The following SGPP2 variants were observed in gnomAD, a reference collection of about 807,000 sequenced individuals.
The protein encoded by SGPP2 is sphingosine 1-phosphate phosphohydrolase 2.
SGPP2 carries 30 observed loss-of-function variants against 33.9 expected under a neutral mutation model. The ratio of observed to expected loss-of-function variants is 0.89; its 90% CI spans 0.66 to 1.20. The LOEUF (loss-of-function observed/expected upper bound fraction) is 1.20, where lower values mean the gene tolerates loss of function less well. Ranked by LOEUF, SGPP2 falls within the 50% of genes most tolerant of loss-of-function variation. The pLI is 0.00. For missense variants in SGPP2, 458 were observed against 532.1 expected, an observed-to-expected ratio of 0.86 and a Z score of 1.37; for synonymous variants, 233 against 225.0, an observed-to-expected ratio of 1.04 and a Z score of -0.32.
intron 4 of SGPP2, among the ~76,000 whole-genome samples, chr2:222,551,779 A>C (rs756789726): frequency 3.3e-4 from 51 of 152,256 alleles, no homozygotes; most frequent in Non-Finnish European, 7.3e-4. Flanking sequence ...CAGATGTCTG[A>C]GAATTTGGTT....
intron 4 of SGPP2, among the ~76,000 whole-genome samples, chr2:222,534,417 A>G (rs1309084173): frequency 6.6e-6 from 1 of 152,076 alleles, no homozygotes; most frequent in Non-Finnish European, 1.5e-5. Context: ...TCTCTGGATA[A>G]TTACACAGAT....
At chr2:222,515,153 C>G (rs1251785696) in intron 2 of SGPP2, among the ~76,000 whole-genome samples, 2 of 151,914 alleles carry the variant, frequency 1.3e-5, no homozygotes, top group Non-Finnish European at 2.9e-5. Flanking sequence ...TCTTGATGTC[C>G]TCATCCCCAC....
chr2:222,495,647 A>C (rs1289394444), intron 2 of SGPP2, among the ~76,000 whole-genome samples: 1 of 152,168 alleles, frequency 6.6e-6, no homozygotes, highest in Non-Finnish European at 1.5e-5. Flanking sequence ...GATTTACTAC[A>C]AGGAACCCCC....
chr2:222,462,087 G>T (rs950661283), intron 1 of SGPP2, among the ~76,000 whole-genome samples: 5 of 152,128 alleles, frequency 3.3e-5, no homozygotes, highest in East Asian at 3.9e-4. Flanking sequence ...TCCTTGAGAG[G>T]CCTTAAAGCG....
intron 2 of SGPP2, among the ~76,000 whole-genome samples, chr2:222,492,434 G>C (rs1698211560): frequency 6.6e-6 from 1 of 152,270 alleles, no homozygotes; most frequent in African/African-American, 2.4e-5. Flanking sequence ...TGCACCCTGT[G>C]AAGCAATGGC....
intron 1 of SGPP2, among the ~76,000 whole-genome samples, chr2:222,441,843 A>G (rs970343309): frequency 5.9e-5 from 9 of 152,200 alleles, no homozygotes; most frequent in African/African-American, 2.2e-4. Context: ...TTTTTTAATA[A>G]AGTGCCAAAT....
chr2:222,446,375 T>C (rs549157545), intron 1 of SGPP2, among the ~76,000 whole-genome samples: 14 of 152,316 alleles, frequency 9.2e-5, no homozygotes, highest in African/African-American at 2.9e-4. Flanking sequence ...ACAAGCAGTA[T>C]GTTTTTAATG....
intron 1 of SGPP2, among the ~76,000 whole-genome samples, chr2:222,449,192 A>G (rs1697442994): frequency 6.6e-6 from 1 of 152,152 alleles, no homozygotes; most frequent in African/African-American, 2.4e-5. Context: ...TTGAAACCAA[A>G]TGAACCTTCT....
chr2:222,527,810 A>G (rs1384426324), intron 4 of SGPP2, among the ~76,000 whole-genome samples: 1 of 152,330 alleles, frequency 6.6e-6, no homozygotes, highest in East Asian at 1.9e-4. Flanking sequence ...TTTTTAGTAG[A>G]AGGGAACAGT....
At chr2:222,449,470 A>ATTTT (rs11390234) in intron 1 of SGPP2, among the ~76,000 whole-genome samples, 2 of 141,188 alleles carry the variant, frequency 1.4e-5, no homozygotes, top group Non-Finnish European at 1.5e-5. Context: ...AGGTCAGCCA[A>ATTTT]TTTTTTTTTT....
chr2:222,444,557 C>T (rs982747676), intron 1 of SGPP2, among the ~76,000 whole-genome samples: 3 of 152,182 alleles, frequency 2.0e-5, no homozygotes, highest in African/African-American at 7.2e-5. Context: ...GAAGAGCTCT[C>T]AGTGCATTGG....
At chr2:222,494,492 G>A (rs1359178834) in intron 2 of SGPP2, among the ~76,000 whole-genome samples, 1 of 152,198 alleles carries the variant, frequency 6.6e-6, no homozygotes, top group East Asian at 1.9e-4. Flanking sequence ...AGGCAGCGGT[G>A]GTCTCCCAGG....
intron 1 of SGPP2, among the ~76,000 whole-genome samples, chr2:222,449,788 C>T (rs1559146969): frequency 6.6e-6 from 1 of 152,080 alleles, no homozygotes; most frequent in African/African-American, 2.4e-5. Flanking sequence ...TTTCTAAAAG[C>T]CAGTTATGTG....
At chr2:222,450,071 C>A (rs1376979757) in intron 1 of SGPP2, among the ~76,000 whole-genome samples, 1 of 152,174 alleles carries the variant, frequency 6.6e-6, no homozygotes, top group Non-Finnish European at 1.5e-5. Flanking sequence ...GTGCTTCAAT[C>A]TAAAAGGAAT....
intron 1 of SGPP2, among the ~76,000 whole-genome samples, chr2:222,462,047 T>C (rs1160028800): frequency 6.6e-6 from 1 of 152,162 alleles, no homozygotes; most frequent in East Asian, 1.9e-4. Context: ...TCGTTCTTTA[T>C]TTCTTCAGCA....
chr2:222,488,916 TCAATTTGAA>T (rs1698155298), intron 2 of SGPP2, among the ~76,000 whole-genome samples: 1 of 152,220 alleles, frequency 6.6e-6, no homozygotes, highest in African/African-American at 2.4e-5. Context: ...AAATGTTTGT[TCAATTTGAA>T]AATGCTTTTC....
intron 1 of SGPP2, among the ~76,000 whole-genome samples, chr2:222,440,008 C>T (rs1345157676): frequency 2.6e-5 from 4 of 152,154 alleles, no homozygotes; most frequent in Admixed American, 1.3e-4. Flanking sequence ...TTGCAACTGC[C>T]TGTGAATCTA....
intron 4 of SGPP2, among the ~76,000 whole-genome samples, chr2:222,540,427 A>C (rs952156913): frequency 6.6e-6 from 1 of 152,238 alleles, no homozygotes; most frequent in African/African-American, 2.4e-5. Flanking sequence ...CCTGTACTGC[A>C]TAAATATCAG....
intron 4 of SGPP2, among the ~76,000 whole-genome samples, chr2:222,553,636 C>T (rs1478399698): frequency 6.6e-6 from 1 of 152,184 alleles, no homozygotes; most frequent in African/African-American, 2.4e-5. Flanking sequence ...TTCAAATAAC[C>T]ATCAGGGCAG....
Sources: allele counts gnomAD v4.1 joint callset (sites outside exome capture counted in the v4.1 genomes callset), GRCh38; gene constraint gnomAD v4.1.1; transcripts MANE v1.5; gene names NCBI Gene and HGNC (gene_info 2026-07-23, HGNC 2026-07-21).